The following RUNX1 variants were observed in gnomAD, a reference collection of about 807,000 sequenced individuals.
The protein encoded by RUNX1 is runt-related transcription factor 1.
A neutral mutation model predicts 42.8 loss-of-function variants in RUNX1; 19 were observed. The ratio of observed to expected loss-of-function variants is 0.44; its 90% CI spans 0.31 to 0.65. The LOEUF is 0.65. RUNX1 is among the 30% of genes least tolerant of loss of function. The probability of loss-of-function intolerance (pLI) is 0.07; values close to 1 mark genes in which losing one functional copy is unlikely to be tolerated. For synonymous variants in RUNX1, 271 were observed against 289.4 expected, an observed-to-expected ratio of 0.94 and a Z score of 0.64; for missense variants, 528 against 672.0, an observed-to-expected ratio of 0.79 and a Z score of 2.37.
At chr21:35,024,726 ATGT>A (rs1189310241) in intron 2 of RUNX1, among the ~76,000 whole-genome samples, 3 of 152,236 alleles carry the variant, frequency 2.0e-5, no homozygotes, top group Non-Finnish European at 4.4e-5. Flanking sequence ...TACACCTAAG[ATGT>A]TGTAGCTAAT....
In RUNX1 at chr21:34,866,051, G is replaced by T. The variant is rs2057657259; in HGVS notation, c.509-6473C>A. 2.0e-5 allele frequency among the ~76,000 whole-genome samples: 3 copies of T among 152,202 alleles called. No individual in the cohort carries two copies. In the South Asian group the frequency reaches 6.2e-4, roughly 31 times the overall value. On this transcript the variant is annotated intron_variant, in intron 5 of 8. Transcript: ENST00000675419. ...GTCTACCTGAGTTGGCTCTGCAGCA[G>T]ACTCTGTTCCTGTCACTCTCCTTAG... is the stretch of plus-strand genomic sequence containing the variant.
intron 6 of RUNX1, among the ~76,000 whole-genome samples, chr21:34,840,029 C>T (rs902085587): frequency 6.6e-6 from 1 of 152,146 alleles, no homozygotes; most frequent in African/African-American, 2.4e-5. Flanking sequence ...CCAAACTCTG[C>T]CCTGCAGATA....
chr21:35,001,807 T>A (rs2059046545), intron 2 of RUNX1, among the ~76,000 whole-genome samples: 1 of 152,186 alleles, frequency 6.6e-6, no homozygotes, highest in Admixed American at 6.5e-5. Context: ...GCTTGTAGAA[T>A]ATATAGAAAC....
chr21:35,022,251 A>T (rs2242889), intron 2 of RUNX1, among the ~76,000 whole-genome samples: 4,132 of 152,246 alleles, frequency 0.027, 187 homozygotes, highest in African/African-American at 0.094. Flanking sequence ...AAGCGTCTGC[A>T]CCAGGTGTGT....
At chr21:35,015,831 C>G (rs2059155293) in intron 2 of RUNX1, among the ~76,000 whole-genome samples, 1 of 152,178 alleles carries the variant, frequency 6.6e-6, no homozygotes, top group African/African-American at 2.4e-5. Flanking sequence ...GAGAGGTGGA[C>G]AGGTCACTCA....
intron 2 of RUNX1, among the ~76,000 whole-genome samples, chr21:34,966,090 T>C (rs2058716458): frequency 6.6e-6 from 1 of 152,190 alleles, no homozygotes; most frequent in South Asian, 2.1e-4. Flanking sequence ...CTTGCATTTC[T>C]TACCCCACTT....
intron 5 of RUNX1, among the ~76,000 whole-genome samples, chr21:34,864,095 C>T (rs967271285): frequency 6.6e-6 from 1 of 152,212 alleles, no homozygotes; most frequent in Non-Finnish European, 1.5e-5. Context: ...CAGCAACGGG[C>T]GCACCTGACA....
At chr21:35,021,952 T>C (rs2059201171) in intron 2 of RUNX1, among the ~76,000 whole-genome samples, 1 of 152,116 alleles carries the variant, frequency 6.6e-6, no homozygotes, top group Admixed American at 6.5e-5. Flanking sequence ...TCCAAAAGGG[T>C]AGGAGTTCCC....
intron 2 of RUNX1, among the ~76,000 whole-genome samples, chr21:35,044,004 T>C (rs889654233): frequency 5.3e-5 from 8 of 152,230 alleles, no homozygotes; most frequent in Admixed American, 1.3e-4. Context: ...GTTGTCCTTG[T>C]GTGTTCAGAT....
intron 2 of RUNX1, among the ~76,000 whole-genome samples, chr21:34,954,064 C>G (rs1253140821): frequency 6.6e-6 from 1 of 152,182 alleles, no homozygotes; most frequent in Non-Finnish European, 1.5e-5. Flanking sequence ...AGACCTTGTT[C>G]TGTGGACCCA....
intron 2 of RUNX1, among the ~76,000 whole-genome samples, chr21:34,951,842 AG>A (rs1200357128): frequency 1.3e-5 from 2 of 152,210 alleles, no homozygotes; most frequent in Non-Finnish European, 2.9e-5. Context: ...ATCTAGAACT[AG>A]AAATACCATT....
intron 5 of RUNX1, among the ~76,000 whole-genome samples, chr21:34,866,760 T>C (rs1430474636): frequency 6.6e-6 from 1 of 152,194 alleles, no homozygotes; most frequent in Non-Finnish European, 1.5e-5. Flanking sequence ...CGGCGTACTG[T>C]ATATACTTGT....
At chr21:35,024,460 A>T (rs902186679) in intron 2 of RUNX1, among the ~76,000 whole-genome samples, 2 of 152,230 alleles carry the variant, frequency 1.3e-5, no homozygotes, top group Non-Finnish European at 2.9e-5. Context: ...ATACCCTAAT[A>T]CAACACAATG....
Position 34,792,315 on chromosome 21 carries a change from G to GCCCC in RUNX1, c.1262_1263insGGGG (p.Glu422GlyfsTer179). 1.1e-5 allele frequency: 16 copies of GCCCC among 1,516,556 alleles called. No homozygotes were observed. The highest frequency in any genetic ancestry group is 2.6e-5 in the East Asian group (1 of 38,940). 93.9% of individuals were successfully genotyped at this position (1,516,556 alleles called of 1,614,324 possible). A position where few individuals can be genotyped will look rare whatever the true frequency, so the allele number is the denominator to read the frequency against. ...GCAGGATGCGCGGCGGCGAGCGCTC[G>GCCCC]CCGCCCACCATGGAGAACTGGTAGG... is the stretch of plus-strand genomic sequence containing the variant. On this transcript the variant is annotated frameshift_variant, in exon 9 of 9. Transcript: ENST00000675419. LOFTEE classifies it high-confidence loss of function. The surrounding 1 kb of genome is among the most constrained non-coding windows in gnomAD (Gnocchi z 6.9).
chr21:34,963,737 T>C (rs142072635), intron 2 of RUNX1, among the ~76,000 whole-genome samples: 1 of 152,224 alleles, frequency 6.6e-6, no homozygotes, highest in African/African-American at 2.4e-5. Context: ...GGTGAATCAA[T>C]GGGGCATTAT....
intron 5 of RUNX1, among the ~76,000 whole-genome samples, chr21:34,873,127 C>G (rs1002774957): frequency 6.6e-6 from 1 of 152,124 alleles, no homozygotes; most frequent in African/African-American, 2.4e-5. Context: ...ATCCTCTATA[C>G]AATAGTTTCA....
intron 2 of RUNX1, among the ~76,000 whole-genome samples, chr21:35,030,977 T>G (rs561000744): frequency 1.8e-4 from 27 of 152,136 alleles, no homozygotes; most frequent in Non-Finnish European, 3.5e-4. Context: ...TAAAAAATAC[T>G]CAACATCACT....
At chr21:34,813,793 T>C (rs8131023) in intron 7 of RUNX1, among the ~76,000 whole-genome samples, 10,816 of 151,614 alleles carry the variant, frequency 0.071, 971 homozygotes, top group African/African-American at 0.22. Context: ...TTCTAATGTC[T>C]TATGGAATGA....
At chr21:34,911,346 C>G (rs1192578161) in intron 2 of RUNX1, among the ~76,000 whole-genome samples, 1 of 152,204 alleles carries the variant, frequency 6.6e-6, no homozygotes, top group Non-Finnish European at 1.5e-5. Flanking sequence ...GCGTCTATTA[C>G]CAGACATCTC....
Sources: gnomAD v4.1 joint callset for allele counts (sites outside exome capture counted in the v4.1 genomes callset) on GRCh38, gnomAD v4.1.1 for gene constraint, Gnocchi (gnomAD v3.1) non-coding constraint, MANE v1.5 for transcripts, NCBI Gene and HGNC (gene_info 2026-07-23, HGNC 2026-07-21) for gene names.